The following NPAS1 variants were observed in gnomAD, a reference collection of about 807,000 sequenced individuals.
NPAS1 encodes the protein neuronal PAS domain-containing protein 1.
NPAS1 carries 29 observed loss-of-function variants against 49.2 expected under a neutral mutation model. The ratio of observed to expected loss-of-function variants is 0.59; its 90% CI spans 0.44 to 0.80. The LOEUF is 0.80. Ranked by LOEUF, NPAS1 falls within the 30% of genes least tolerant of loss-of-function variation. The pLI is 0.00. For synonymous variants in NPAS1, 408 were observed against 380.4 expected (o/e 1.07, Z -0.84); for missense variants, 825 against 835.5 (o/e 0.99, Z 0.15).
At chr19:47,038,347 T>C (rs2056982083) in intron 6 of NPAS1, among the ~76,000 whole-genome samples, 1 of 150,566 alleles carries the variant, frequency 6.6e-6, no homozygotes, top group Non-Finnish European at 1.5e-5. Context: ...CGATACCCCG[T>C]CTCTACTAAA....
chr19:47,030,092 C>T (rs2056896052), intron 3 of NPAS1, among the ~76,000 whole-genome samples: 1 of 152,144 alleles, frequency 6.6e-6, no homozygotes, highest in Admixed American at 6.5e-5. Context: ...GGTGTGATCT[C>T]AGCTCACTGC....
chr19:47,044,097 G>A (rs1365468620), intron 11 of NPAS1, among the ~76,000 whole-genome samples: 1 of 152,186 alleles, frequency 6.6e-6, no homozygotes, highest in Non-Finnish European at 1.5e-5. Flanking sequence ...TAGGGGGATG[G>A]AGTTTCACTC....
intron 11 of NPAS1, 82 bp from the exon 12 acceptor site, chr19:47,045,109 C>A: frequency 1.5e-6 from 2 of 1,319,566 alleles, no homozygotes; most frequent in Non-Finnish European, 2.1e-6. Flanking sequence ...CAGGTCTGGC[C>A]CACTAAGCAC....
At chr19:47,032,538 C>T in intron 4 of NPAS1, 105 bp from the exon 5 acceptor site, 1 of 1,182,624 alleles carries the variant, frequency 8.5e-7, no homozygotes, top group Non-Finnish European at 1.3e-6. Flanking sequence ...CCAAAACAGT[C>T]CACCTCAGGT....
chr19:47,039,281 G>A (rs1348048483), intron 7 of NPAS1, 126 bp from the exon 8 acceptor site: 33 of 1,453,334 alleles, frequency 2.3e-5, no homozygotes, highest in Non-Finnish European at 2.7e-5. Flanking sequence ...GAATGGGACT[G>A]GGGGGGTCAC....
intron 8 of NPAS1, 113 bp from the exon 9 acceptor site, chr19:47,040,331 A>G: frequency 1.5e-6 from 1 of 675,540 alleles, no homozygotes; most frequent in South Asian, 1.9e-5. Flanking sequence ...CAACACTGTT[A>G]TTGCACCCAT....
At chr19:47,038,804 C>CA (rs1568508017) in intron 6 of NPAS1, among the ~76,000 whole-genome samples, 1 of 151,790 alleles carries the variant, frequency 6.6e-6, no homozygotes, top group African/African-American at 2.4e-5. Context: ...CCAGCCTGGA[C>CA]AACAGAGTGA....
At chr19:47,027,843 C>T (rs2056884039) in intron 3 of NPAS1, among the ~76,000 whole-genome samples, 3 of 152,116 alleles carry the variant, frequency 2.0e-5, no homozygotes. Context: ...GGGTTCTGGA[C>T]ATGGGAGGGC....
chr19:47,026,454 G>T (rs1338857056), intron 3 of NPAS1, among the ~76,000 whole-genome samples: 2 of 152,218 alleles, frequency 1.3e-5, no homozygotes, highest in Non-Finnish European at 2.9e-5. Flanking sequence ...GGCGGAAGTA[G>T]GAGCCCAGTG....
At position 47,021,944 on chromosome 19, in the gene NPAS1, T is replaced by G; in HGVS notation, c.358+97T>G. ...GCGGGCCTGCCCTCGCCCAGATGCT[T>G]GTCTCTGGAGTCAGCCAGGACCTTT... On this transcript the variant is annotated intron_variant, in intron 3 of 11. Transcript: ENST00000602212. This position sits in a 1 kb window ranked among gnomAD's most constrained non-coding sequence, Gnocchi z 5.7. 1 of 776,474 alleles carries G rather than the reference T, an allele frequency of 1.3e-6. No homozygotes were observed. Among genetic ancestry groups the G allele is most frequent in the East Asian group, 3.3e-5 (1 of 30,718 alleles). The allele number at this position is 776,474 out of a possible 1,614,324, so 48.1% of individuals were successfully genotyped here. A position where few individuals can be genotyped will look rare whatever the true frequency, so the allele number is the denominator to read the frequency against.
intron 5 of NPAS1, among the ~76,000 whole-genome samples, chr19:47,034,031 G>A (rs991996816): frequency 1.3e-4 from 15 of 118,520 alleles, no homozygotes; most frequent in South Asian, 2.7e-4. Context: ...AGGGCCGGGC[G>A]CGGTGGCTCA....
At position 47,021,104 on chromosome 19, in the gene NPAS1, C is replaced by A; in HGVS notation, c.57C>A (p.Gly19=). ...GAAGCGAGGTCAAATGCGTGGGAGG[C>A]CGCGGCGCCAGCGTCCCCTGGGACT... is the stretch of plus-strand genomic sequence containing the variant. ...GGGSEVKCVG[G]RGASVPWDFL... The change falls in exon 2 of 12, where the codon GGC becomes GGA. Residue 19 remains glycine (G), a synonymous_variant. Transcript: ENST00000602212. This position sits in a 1 kb window ranked among gnomAD's most constrained non-coding sequence, Gnocchi z 5.7. The A allele has an allele frequency of 3.7e-6, 6 of 1,602,912 alleles. No homozygotes were observed. The highest frequency in any genetic ancestry group is 5.1e-6 in the Non-Finnish European group (6 of 1,175,502).
At chr19:47,040,586 AC>A in intron 9 of NPAS1, 36 bp downstream of exon 9, 7 of 1,399,956 alleles carry the variant, frequency 5.0e-6, no homozygotes, top group Admixed American at 2.0e-5. Context: ...CCTGCCTACC[AC>A]CCCCCAGACC....
intron 10 of NPAS1, 32 bp downstream of exon 10, chr19:47,041,157 A>G: frequency 6.6e-7 from 1 of 1,511,138 alleles, no homozygotes; most frequent in Non-Finnish European, 8.8e-7. Flanking sequence ...CCTGCAGGGC[A>G]CTCAGGGCCC....
Position 47,021,087 on chromosome 19 carries a change from G to C in NPAS1, c.40G>C (p.Val14Leu), listed in dbSNP as rs1293851657. ...PYPGSGGGSEVKCVGGRGASV... is the reference protein window; with the variant it reads ...PYPGSGGGSELKCVGGRGASV... ...TCCCGGCAGTGGCGGCGGAAGCGAG[G>C]TCAAATGCGTGGGAGGCCGCGGCGC... The change falls in exon 2 of 12, where the codon GTC (valine) becomes CTC (leucine). Residue 14 changes from valine (V) to leucine (L), a missense_variant. Transcript: ENST00000602212. The surrounding 1 kb of genome is among the most constrained non-coding windows in gnomAD (Gnocchi z 5.7). 6.2e-7 allele frequency: 1 copy of C among 1,604,934 alleles called. No homozygotes were observed. The highest frequency in any genetic ancestry group is 8.5e-7 in the Non-Finnish European group (1 of 1,176,590).
In NPAS1 at chr19:47,029,492, C is replaced by G. The variant is rs546990280; in HGVS notation, c.359-2786C>G. Among the ~76,000 whole-genome samples, 4 of 151,986 alleles carry G rather than the reference C, an allele frequency of 2.6e-5. No individual in the cohort carries two copies. In the East Asian group the frequency reaches 7.7e-4, roughly 29 times the overall value. The stretch of plus-strand genomic sequence containing the variant: ...TCAGCTCACTGCAACCTCCACGTCC[C>G]GGGTTCAAGCAATTCTCCCTCCTCA... On this transcript the variant is annotated intron_variant, in intron 3 of 11. Transcript: ENST00000602212.
chr19:47,021,576 G>A lies in NPAS1; in HGVS notation c.123-36G>A, dbSNP rs2056841539. On this transcript the variant is annotated intron_variant, in intron 2 of 11. Transcript: ENST00000602212. The surrounding 1 kb of genome is among the most constrained non-coding windows in gnomAD (Gnocchi z 5.7). ...CAGTTCCCAAGCCCCTGAGCCCCGGGGCCCCGCCGACACCTCCTCCGCGCC... is the reference window on the plus strand; with the variant it reads ...CAGTTCCCAAGCCCCTGAGCCCCGGAGCCCCGCCGACACCTCCTCCGCGCC... 7.2e-6 allele frequency: 10 copies of A among 1,388,134 alleles called. No individual in the cohort carries two copies. The highest frequency in any genetic ancestry group is 1.5e-5 in the African/African-American group (1 of 65,808). 86.0% of individuals were successfully genotyped at this position (1,388,134 alleles called of 1,614,324 possible).
Position 47,024,379 on chromosome 19 carries a change from G to A in NPAS1, c.358+2532G>A, listed in dbSNP as rs186902897. On this transcript the variant is annotated intron_variant, in intron 3 of 11. Coordinates refer to ENST00000602212, the MANE Select transcript of NPAS1 (RefSeq NM_002517.4). ...CAAAATGACTTTCTTGGCCGGGTGC[G>A]GTGGCTCACGCCTGTAATCTCAGCT... Among the ~76,000 whole-genome samples the A allele has an allele frequency of 3.0e-3, 460 of 152,190 alleles. 2 individuals carry two copies. The highest frequency in any genetic ancestry group is 0.011 in the African/African-American group (438 of 41,520).
At chr19:47,041,965 G>A (rs1282294200) in intron 10 of NPAS1, among the ~76,000 whole-genome samples, 1 of 136,860 alleles carries the variant, frequency 7.3e-6, no homozygotes, top group African/African-American at 2.8e-5. Flanking sequence ...GGGCGACAGA[G>A]TGAGACCCTG....
Sources: gnomAD v4.1 joint callset for allele counts (sites outside exome capture counted in the v4.1 genomes callset) on GRCh38, gnomAD v4.1.1 for gene constraint, Gnocchi (gnomAD v3.1) non-coding constraint, MANE v1.5 for transcripts, NCBI Gene and HGNC (gene_info 2026-07-23, HGNC 2026-07-21) for gene names.